The following GALNTL6 variants were observed in gnomAD, a reference collection of about 807,000 sequenced individuals.
GALNTL6 encodes the protein polypeptide N-acetylgalactosaminyltransferase-like 6.
In GALNTL6, 46 loss-of-function variants were observed where a neutral mutation model predicts 73.7. The ratio of observed to expected loss-of-function variants is 0.62; its 90% CI spans 0.49 to 0.80. GALNTL6 has a LOEUF of 0.80. GALNTL6 is among the 30% of genes least tolerant of loss of function. GALNTL6 has a pLI of 0.00. For missense variants in GALNTL6, 604 were observed against 755.0 expected, an observed-to-expected ratio of 0.80 and a Z score of 2.34; for synonymous variants, 259 against 263.7, an observed-to-expected ratio of 0.98 and a Z score of 0.17.
intron 5 of GALNTL6, chr4:172,425,397 G>A (rs1273174990): frequency 6.6e-6 from 1 of 152,034 alleles, no homozygotes; most frequent in Non-Finnish European, 1.5e-5. Flanking sequence ...TGTGTACTAT[G>A]TTCTTGGGTA....
chr4:172,087,139 A>G (rs1251672721), intron 2 of GALNTL6, among the ~76,000 whole-genome samples: 1 of 152,118 alleles, frequency 6.6e-6, no homozygotes, highest in African/African-American at 2.4e-5. Context: ...ATAAACTGTG[A>G]TACTCATACA....
At chr4:172,663,533 A>G (rs999123615) in intron 5 of GALNTL6, among the ~76,000 whole-genome samples, 2 of 152,174 alleles carry the variant, frequency 1.3e-5, no homozygotes, top group African/African-American at 4.8e-5. Context: ...TGAGTTCAAG[A>G]TCTCCTGGTG....
At chr4:172,571,051 C>T (rs569892867) in intron 5 of GALNTL6, among the ~76,000 whole-genome samples, 127 of 152,326 alleles carry the variant, frequency 8.3e-4, no homozygotes, top group African/African-American at 2.9e-3. Flanking sequence ...TGAAGCTTCA[C>T]TCATTTGCCA....
At chr4:172,284,437 C>T (rs930757045) in intron 3 of GALNTL6, among the ~76,000 whole-genome samples, 2 of 151,804 alleles carry the variant, frequency 1.3e-5, no homozygotes, top group Admixed American at 1.3e-4. Context: ...CCATGTGCAC[C>T]CCCCTGCACC....
intron 5 of GALNTL6, among the ~76,000 whole-genome samples, chr4:172,731,307 C>G (rs1354132373): frequency 6.6e-6 from 1 of 151,990 alleles, no homozygotes; most frequent in Non-Finnish European, 1.5e-5. Context: ...AGGATTTTAT[C>G]CATTTCTTCT....
intron 8 of GALNTL6, among the ~76,000 whole-genome samples, chr4:172,921,865 A>G (rs1017325873): frequency 1.2e-4 from 18 of 152,086 alleles, no homozygotes; most frequent in African/African-American, 4.3e-4. Flanking sequence ...TCTTCAAAAT[A>G]TTTATGCTGT....
chr4:172,823,523 A>T (rs73000103), intron 7 of GALNTL6, among the ~76,000 whole-genome samples: 11,579 of 152,242 alleles, frequency 0.076, 883 homozygotes, highest in African/African-American at 0.18. Context: ...GTGGTCAGAT[A>T]AGGTTGTGTA....
At chr4:172,090,974 G>A (rs1419893295) in intron 2 of GALNTL6, among the ~76,000 whole-genome samples, 1 of 152,052 alleles carries the variant, frequency 6.6e-6, no homozygotes, top group Non-Finnish European at 1.5e-5. Flanking sequence ...TTGCTTGTGT[G>A]TGTCAGGTTT....
At chr4:173,023,153 G>A (rs1753084915) in intron 12 of GALNTL6, among the ~76,000 whole-genome samples, 1 of 152,204 alleles carries the variant, frequency 6.6e-6, no homozygotes, top group South Asian at 2.1e-4. Flanking sequence ...GAAAGCTAAA[G>A]GAGAGAAGTG....
intron 7 of GALNTL6, among the ~76,000 whole-genome samples, chr4:172,836,383 G>T (rs569612401): frequency 6.6e-6 from 1 of 152,242 alleles, no homozygotes; most frequent in South Asian, 2.1e-4. Context: ...GTCATTACCT[G>T]GGCTGGGGAA....
chr4:171,888,025 C>A (rs566508252), intron 2 of GALNTL6, among the ~76,000 whole-genome samples: 2 of 152,010 alleles, frequency 1.3e-5, no homozygotes, highest in South Asian at 2.1e-4. Context: ...TTTGTTTATT[C>A]TTTTGCTTTT....
At position 171,863,466 on chromosome 4, in the gene GALNTL6, T is replaced by G. The variant is rs547470094; in HGVS notation, c.138+48748T>G. ...ATTTTTGGTAATTGCTACCCTGTTT[T>G]CTTTAAAATAGCTAAGACATTCTGG... is the stretch of plus-strand genomic sequence containing the variant. On this transcript the variant is annotated intron_variant, in intron 2 of 12. Transcript: ENST00000506823. Among the ~76,000 whole-genome samples the G allele has an allele frequency of 4.7e-4, 72 of 152,338 alleles. 3 individuals are homozygous for G. In the South Asian group the frequency reaches 0.015, roughly 31 times the overall value.
At chr4:172,599,232 A>G (rs1218583295) in intron 5 of GALNTL6, among the ~76,000 whole-genome samples, 1 of 152,154 alleles carries the variant, frequency 6.6e-6, no homozygotes, top group Admixed American at 6.6e-5. Flanking sequence ...TGTATATGTT[A>G]TCAGACCAAG....
intron 12 of GALNTL6, among the ~76,000 whole-genome samples, chr4:173,023,290 T>C (rs764605466): frequency 8.5e-5 from 13 of 152,214 alleles, no homozygotes; most frequent in Non-Finnish European, 1.5e-4. Flanking sequence ...GTGGACTTGT[T>C]TGTATAAGTT....
At chr4:172,079,850 T>C (rs992615180) in intron 2 of GALNTL6, among the ~76,000 whole-genome samples, 1 of 151,982 alleles carries the variant, frequency 6.6e-6, no homozygotes, top group Non-Finnish European at 1.5e-5. Context: ...TTTTACAAAA[T>C]TTTGTTCTCT....
At chr4:172,135,306 A>T (rs1733606934) in intron 2 of GALNTL6, among the ~76,000 whole-genome samples, 1 of 152,134 alleles carries the variant, frequency 6.6e-6, no homozygotes, top group Admixed American at 6.5e-5. Flanking sequence ...GAAGTTCTTT[A>T]AAATCCATGG....
At chr4:172,657,804 T>C (rs1282870065) in intron 5 of GALNTL6, among the ~76,000 whole-genome samples, 1 of 152,050 alleles carries the variant, frequency 6.6e-6, no homozygotes. Context: ...AGGGAAGATA[T>C]GGCTATGTAT....
intron 3 of GALNTL6, among the ~76,000 whole-genome samples, chr4:172,234,766 T>C (rs1016261034): frequency 6.6e-6 from 1 of 152,182 alleles, no homozygotes; most frequent in South Asian, 2.1e-4. Context: ...TCTATTCTTA[T>C]CAAGTCTTTG....
At chr4:172,830,012 A>G (rs879600373) in intron 7 of GALNTL6, among the ~76,000 whole-genome samples, 1 of 152,238 alleles carries the variant, frequency 6.6e-6, no homozygotes, top group Non-Finnish European at 1.5e-5. Flanking sequence ...GTGTATTCAA[A>G]TAAATTCCAC....
Sources: allele counts gnomAD v4.1 joint callset (sites outside exome capture counted in the v4.1 genomes callset), GRCh38; gene constraint gnomAD v4.1.1; transcripts MANE v1.5; gene names NCBI Gene and HGNC (gene_info 2026-07-23, HGNC 2026-07-21).